SHTN1: variants seen among roughly 807,000 people sequenced by gnomAD.
SHTN1 encodes the protein shootin 1.
In SHTN1, 42 loss-of-function variants were observed where a neutral mutation model predicts 83.1. The ratio of observed to expected loss-of-function variants is 0.51; its 90% CI spans 0.39 to 0.65. The LOEUF is 0.65. SHTN1 is among the 30% of genes least tolerant of loss of function. The pLI is 0.00. For missense variants in SHTN1, 622 were observed against 737.8 expected (o/e 0.84, Z 1.82); for synonymous variants, 224 against 247.7 (o/e 0.90, Z 0.90).
At chr10:117,063,761 T>C (rs1472109037) in intron 1 of SHTN1, among the ~76,000 whole-genome samples, 1 of 152,118 alleles carries the variant, frequency 6.6e-6, no homozygotes, top group Admixed American at 6.6e-5. Context: ...CCTCATTGTA[T>C]TCCTACATTT....
At chr10:117,078,254 C>A (rs1314445544) in intron 1 of SHTN1, among the ~76,000 whole-genome samples, 3 of 152,168 alleles carry the variant, frequency 2.0e-5, no homozygotes, top group Non-Finnish European at 4.4e-5. Flanking sequence ...AGACAAAGCA[C>A]AATCGAAGAC....
chr10:116,964,003 T>C (rs974596076), intron 3 of SHTN1, among the ~76,000 whole-genome samples: 4 of 151,588 alleles, frequency 2.6e-5, no homozygotes. Flanking sequence ...GTTTTTATCT[T>C]CTACTCACTA....
chr10:117,092,360 C>T (rs940223525), intron 1 of SHTN1, among the ~76,000 whole-genome samples: 2 of 152,184 alleles, frequency 1.3e-5, no homozygotes, highest in Non-Finnish European at 2.9e-5. Context: ...CATATGAAAG[C>T]CTATGATTCT....
chr10:117,079,179 T>A (rs1228317107), intron 1 of SHTN1, among the ~76,000 whole-genome samples: 1 of 114,030 alleles, frequency 8.8e-6, no homozygotes, highest in East Asian at 2.8e-4. Flanking sequence ...ATGCTATCCC[T>A]CCCCCCCTCC....
intron 7 of SHTN1, among the ~76,000 whole-genome samples, chr10:116,945,970 C>A (rs1849559360): frequency 6.6e-6 from 1 of 151,932 alleles, no homozygotes; most frequent in Non-Finnish European, 1.5e-5. Flanking sequence ...CAGAAGGTTA[C>A]AGGAAAAATG....
In SHTN1 at chr10:117,115,138, A is replaced by G. The variant is rs568028610; in HGVS notation, c.-189+11169T>C. Reference sequence around the variant, plus strand: ...ACCATCTCCCCACAAAATTGTGCCTATAATTTCAAAAAATTCGTGGAACTT... The same window carrying G: ...ACCATCTCCCCACAAAATTGTGCCTGTAATTTCAAAAAATTCGTGGAACTT... On this transcript the variant is annotated intron_variant, in intron 1 of 17. Coordinates refer to the SHTN1 transcript ENST00000392901. Among the ~76,000 whole-genome samples, 34 of 152,338 alleles carry G rather than the reference A, an allele frequency of 2.2e-4. 1 individual carries two copies. In the South Asian group the frequency reaches 6.8e-3, roughly 31 times the overall value.
chr10:117,121,708 C>A (rs1853931171), intron 1 of SHTN1, among the ~76,000 whole-genome samples: 1 of 151,596 alleles, frequency 6.6e-6, no homozygotes, highest in African/African-American at 2.4e-5. Flanking sequence ...ATGGTATTTG[C>A]ATATAGCTTA....
chr10:116,957,117 T>C (rs762495033), intron 4 of SHTN1, among the ~76,000 whole-genome samples: 15 of 152,040 alleles, frequency 9.9e-5, no homozygotes, highest in Non-Finnish European at 1.9e-4. Context: ...TGCATACTAT[T>C]TGAACATTTT....
At chr10:116,916,549 G>A (rs1346362659) in intron 12 of SHTN1, among the ~76,000 whole-genome samples, 1 of 152,206 alleles carries the variant, frequency 6.6e-6, no homozygotes, top group Non-Finnish European at 1.5e-5. Flanking sequence ...TATCTGAGTA[G>A]AAATGACTAA....
chr10:117,122,193 G>A (rs2031395674), intron 1 of SHTN1, among the ~76,000 whole-genome samples: 1 of 150,762 alleles, frequency 6.6e-6, no homozygotes, highest in African/African-American at 2.4e-5. Flanking sequence ...TGTTTGTTTT[G>A]AGACATGGTC....
chr10:117,045,871 T>C (rs1852654623), intron 2 of SHTN1, among the ~76,000 whole-genome samples: 1 of 152,076 alleles, frequency 6.6e-6, no homozygotes, highest in Non-Finnish European at 1.5e-5. Context: ...AGGGTTCTAA[T>C]GAAAAAAGTG....
chr10:117,077,509 G>C (rs1242546692), intron 1 of SHTN1, among the ~76,000 whole-genome samples: 1 of 151,870 alleles, frequency 6.6e-6, no homozygotes, highest in Non-Finnish European at 1.5e-5. Context: ...TTAAGTTTTA[G>C]GGTACATGTG....
At chr10:117,012,471 T>C (rs1353849419) in intron 2 of SHTN1, among the ~76,000 whole-genome samples, 1 of 152,150 alleles carries the variant, frequency 6.6e-6, no homozygotes, top group Non-Finnish European at 1.5e-5. Context: ...ACTTTTTTTC[T>C]GCAAAGTAAC....
intron 1 of SHTN1, among the ~76,000 whole-genome samples, chr10:117,085,894 T>G (rs1169511645): frequency 6.6e-6 from 1 of 151,946 alleles, no homozygotes; most frequent in Non-Finnish European, 1.5e-5. Flanking sequence ...ATAATTTTCC[T>G]TGATCTAAAG....
At chr10:116,962,049 C>T (rs969293673) in intron 3 of SHTN1, among the ~76,000 whole-genome samples, 30 of 121,932 alleles carry the variant, frequency 2.5e-4, no homozygotes, top group African/African-American at 4.6e-4. Flanking sequence ...GCTCCCCCCC[C>T]CTTCCACATC....
At chr10:116,930,118 C>T (rs1196991136) in intron 9 of SHTN1, 116 bp from the exon 10 acceptor site, 3 of 583,754 alleles carry the variant, frequency 5.1e-6, no homozygotes, top group Non-Finnish European at 8.4e-6. Context: ...CAAACAGATT[C>T]CAATCCATCT....
At chr10:117,058,153 C>A (rs1425816539) in intron 1 of SHTN1, among the ~76,000 whole-genome samples, 1 of 151,988 alleles carries the variant, frequency 6.6e-6, no homozygotes, top group Non-Finnish European at 1.5e-5. Flanking sequence ...AAACAAGCAA[C>A]AAAAGGAAAA....
chr10:116,972,574 A>C (rs966280038), intron 2 of SHTN1, among the ~76,000 whole-genome samples: 1 of 152,222 alleles, frequency 6.6e-6, no homozygotes, highest in African/African-American at 2.4e-5. Flanking sequence ...TTTTGGAAGA[A>C]TGTTTCATCT....
intron 1 of SHTN1, among the ~76,000 whole-genome samples, chr10:117,091,774 T>C (rs927824940): frequency 6.6e-6 from 1 of 152,212 alleles, no homozygotes; most frequent in African/African-American, 2.4e-5. Context: ...GCCTCATCCA[T>C]CAAGACCGAA....
Sources: allele counts gnomAD v4.1 joint callset (sites outside exome capture counted in the v4.1 genomes callset), GRCh38; gene constraint gnomAD v4.1.1; transcripts MANE v1.5; gene names NCBI Gene and HGNC (gene_info 2026-07-23, HGNC 2026-07-21).